NEMP2: variants seen among roughly 807,000 people sequenced by gnomAD.
NEMP2 encodes nuclear envelope integral membrane protein 2.
NEMP2 carries 53 observed loss-of-function variants against 54.2 expected under a neutral mutation model. That is an observed-to-expected ratio of 0.98 (90% CI 0.78 to 1.23). NEMP2 has a LOEUF of 1.23. NEMP2 is among the 50% of genes most tolerant of loss of function. The pLI, the probability that NEMP2 is intolerant of heterozygous loss-of-function variation, is 0.00. For synonymous variants in NEMP2, 197 were observed against 190.3 expected (o/e 1.04, Z -0.29); for missense variants, 455 against 511.3 (o/e 0.89, Z 1.06).
At position 190,530,030 on chromosome 2, in the gene NEMP2, C is replaced by G. The variant is rs966432027; in HGVS notation, c.97+4529G>C. Among the ~76,000 whole-genome samples the G allele has an allele frequency of 7.2e-5, 11 of 152,272 alleles. No individual in the cohort carries two copies. Among genetic ancestry groups the G allele is most frequent in the African/African-American group, 2.4e-4 (10 of 41,544 alleles). Reference sequence around the variant, plus strand: ...TTGCCCCTCACTGGATAGAGGAGGTCAGAAAGAATAGGTGGCATTAAGCTT... The same window carrying G: ...TTGCCCCTCACTGGATAGAGGAGGTGAGAAAGAATAGGTGGCATTAAGCTT... On this transcript the variant is annotated intron_variant, in intron 1 of 8. Coordinates refer to ENST00000409150, the MANE Select transcript of NEMP2 (RefSeq NM_001142645.2). This position sits in a 1 kb window ranked among gnomAD's most constrained non-coding sequence, Gnocchi z 4.6.
At chr2:190,567,294 AC>A in the NEMP2 span, among the ~76,000 whole-genome samples, 1 of 152,130 alleles carries the variant, frequency 6.6e-6, no homozygotes, top group Non-Finnish European at 1.5e-5. This position sits in a 1 kb window ranked among gnomAD's most constrained non-coding sequence, Gnocchi z 4.0. Context: ...AAGGTATGAG[AC>A]TTAGACTATC....
At chr2:190,626,551 C>T in the NEMP2 span, 2 of 152,128 alleles carry the variant, frequency 1.3e-5, no homozygotes, top group African/African-American at 4.8e-5. This position sits in a 1 kb window ranked among gnomAD's most constrained non-coding sequence, Gnocchi z 4.5. Context: ...GCTCACAATG[C>T]TTTATAGCAT....
the NEMP2 span, among the ~76,000 whole-genome samples, chr2:190,647,710 C>CTTTTTTTTTT: frequency 3.7e-4 from 38 of 102,346 alleles, no homozygotes; most frequent in East Asian, 1.2e-3. Flanking sequence ...TCTTCTTCTT[C>CTTTTTTTTTT]TTTTTTTTTT....
the NEMP2 span, among the ~76,000 whole-genome samples, chr2:190,614,836 A>G: frequency 6.6e-6 from 1 of 152,330 alleles, no homozygotes; most frequent in African/African-American, 2.4e-5. This position sits in a 1 kb window ranked among gnomAD's most constrained non-coding sequence, Gnocchi z 5.7. Context: ...CAGATAGGAA[A>G]ACAATAGGCT....
the NEMP2 span, among the ~76,000 whole-genome samples, chr2:190,561,121 G>T: frequency 6.6e-6 from 1 of 152,182 alleles, no homozygotes; most frequent in East Asian, 1.9e-4. This position sits in a 1 kb window ranked among gnomAD's most constrained non-coding sequence, Gnocchi z 5.4. Flanking sequence ...CCATGCTGGG[G>T]CTTGATGCTG....
At position 190,514,635 on chromosome 2, in the gene NEMP2, G is replaced by T; in HGVS notation, c.771C>A (p.Tyr257Ter). 6.4e-7 allele frequency: 1 copy of T among 1,551,702 alleles called. No individual in the cohort carries two copies. The highest frequency in any genetic ancestry group is 8.7e-7 in the Non-Finnish European group (1 of 1,146,998). Residue 257 changes from tyrosine (Y) to a stop codon, truncating the protein, a stop_gained, in exon 7 of 9, where the codon TAC becomes TAA. Transcript: ENST00000409150. LOFTEE classifies it high-confidence loss of function. The surrounding 1 kb of genome is among the most constrained non-coding windows in gnomAD (Gnocchi z 5.7). ...IVGFFSFVVCYKHGPLADDRS... is the reference protein window; with the variant it reads ...IVGFFSFVVC ...TGTCGTCTGCAAGGGGCCCATGCTTGTAACAAACAACAAAGCTGAAAAATC... is the reference window on the plus strand; with the variant it reads ...TGTCGTCTGCAAGGGGCCCATGCTTTTAACAAACAACAAAGCTGAAAAATC...
At chr2:190,477,469 A>C in the NEMP2 span, 2 of 642,756 alleles carry the variant, frequency 3.1e-6, no homozygotes, top group Non-Finnish European at 3.9e-6. Context: ...GTTAGGTGGA[A>C]AAGGACGGTT....
chr2:190,574,237 G>T, the NEMP2 span, among the ~76,000 whole-genome samples: 89 of 152,186 alleles, frequency 5.8e-4, 3 homozygotes, highest in Middle Eastern at 6.8e-3. Context: ...TGAGTCAAAG[G>T]TACAGTAGCT....
downstream of NEMP2, chr2:190,499,969 A>G (rs200652281): frequency 7.3e-5 from 118 of 1,609,828 alleles, no homozygotes; most frequent in Non-Finnish European, 9.6e-5. This position sits in a 1 kb window ranked among gnomAD's most constrained non-coding sequence, Gnocchi z 6.0. Context: ...AGTTGGATTT[A>G]TTTGCTATCA....
the NEMP2 span, among the ~76,000 whole-genome samples, chr2:190,424,405 G>A: frequency 1.3e-5 from 2 of 151,328 alleles, no homozygotes; most frequent in East Asian, 1.9e-4. The surrounding 1 kb of genome is among the most constrained non-coding windows in gnomAD (Gnocchi z 5.9). Context: ...GCTCTGTCTC[G>A]GCTCACTGCA....
intron 2 of NEMP2, among the ~76,000 whole-genome samples, chr2:190,524,498 A>G (rs1690862142): frequency 6.6e-6 from 1 of 152,144 alleles, no homozygotes; most frequent in Non-Finnish European, 1.5e-5. Flanking sequence ...TGCTGATACA[A>G]TGTTCCAGCT....
chr2:190,449,806 C>T, the NEMP2 span, among the ~76,000 whole-genome samples: 22 of 151,722 alleles, frequency 1.5e-4, no homozygotes, highest in South Asian at 1.0e-3. Flanking sequence ...TAGGTGGGAA[C>T]TGAACAATGA....
At chr2:190,593,192 T>C in the NEMP2 span, among the ~76,000 whole-genome samples, 1 of 152,254 alleles carries the variant, frequency 6.6e-6, no homozygotes. This position sits in a 1 kb window ranked among gnomAD's most constrained non-coding sequence, Gnocchi z 4.5. Flanking sequence ...CGCAAAGGCA[T>C]CTGCCATGCC....
intron 4 of NEMP2, among the ~76,000 whole-genome samples, chr2:190,518,154 C>T (rs1690628231): frequency 6.6e-6 from 1 of 152,110 alleles, no homozygotes; most frequent in Admixed American, 6.5e-5. Context: ...CTAGAATCTA[C>T]AAGCTAAGAA....
At chr2:190,551,563 A>G in the NEMP2 span, among the ~76,000 whole-genome samples, 3 of 151,982 alleles carry the variant, frequency 2.0e-5, no homozygotes, top group Admixed American at 6.6e-5. Context: ...TTTGCATTTC[A>G]TTTCTTGTAT....
chr2:190,488,716 C>G, the NEMP2 span: 42 of 1,608,302 alleles, frequency 2.6e-5, no homozygotes, highest in East Asian at 7.4e-4. This position sits in a 1 kb window ranked among gnomAD's most constrained non-coding sequence, Gnocchi z 6.4. Flanking sequence ...AGCCGTTCCC[C>G]CTGAGCTGAG....
chr2:190,434,188 A>AC, the NEMP2 span, among the ~76,000 whole-genome samples: 1 of 151,292 alleles, frequency 6.6e-6, no homozygotes, highest in Non-Finnish European at 1.5e-5. This position sits in a 1 kb window ranked among gnomAD's most constrained non-coding sequence, Gnocchi z 4.3. Context: ...CTCTCAAAAA[A>AC]AAAAAAAGAA....
Position 190,517,534 on chromosome 2 carries a change from T to A in NEMP2, c.598A>T (p.Arg200Ter). Reference protein sequence around the residue: ...TLVFVLLLVKRFIPKYSTFWA... With the variant: ...TLVFVLLLVK ...AGTATGCCTACCTTCGGAATGAATC[T>A]TTTCACCAACAGCAAGACAAAGACT... The change falls in exon 5 of 9, where the codon AGA becomes TGA. Residue 200 changes from arginine to a stop codon, truncating the protein, a stop_gained. Transcript: ENST00000409150. LOFTEE classifies it high-confidence loss of function. 6.5e-7 allele frequency: 1 copy of A among 1,549,792 alleles called. No individual in the cohort carries two copies. Among genetic ancestry groups the A allele is most frequent in the Non-Finnish European group, 8.7e-7 (1 of 1,146,186 alleles).
At chr2:190,536,098 T>C (rs966609708), upstream of NEMP2, 1 of 152,230 alleles carries the variant, frequency 6.6e-6, no homozygotes, top group Non-Finnish European at 1.5e-5. Context: ...CACAGATCCT[T>C]AGTAAATATC....
Sources: gnomAD v4.1 joint callset for allele counts (sites outside exome capture counted in the v4.1 genomes callset) on GRCh38, gnomAD v4.1.1 for gene constraint, Gnocchi (gnomAD v3.1) non-coding constraint, MANE v1.5 for transcripts, NCBI Gene and HGNC (gene_info 2026-07-23, HGNC 2026-07-21) for gene names.